The following LUC7L2 variants were observed in gnomAD, a reference collection of about 807,000 sequenced individuals.
The protein encoded by LUC7L2 is LUC7 like 2, pre-mRNA splicing factor, also known as putative RNA-binding protein Luc7-like 2.
Under a neutral mutation model 52.8 loss-of-function variants are expected in LUC7L2, and 25 were observed. The observed-to-expected ratio is 0.47, with a 90% CI of 0.34 to 0.66. The LOEUF is 0.66. Ranked by LOEUF, LUC7L2 falls within the 30% of genes least tolerant of loss-of-function variation. The pLI, the probability that LUC7L2 is intolerant of heterozygous loss-of-function variation, is 0.01. For synonymous variants in LUC7L2, 144 were observed against 160.9 expected, an observed-to-expected ratio of 0.89 and a Z score of 0.80; for missense variants, 328 against 497.8, an observed-to-expected ratio of 0.66 and a Z score of 3.25.
At chr7:139,350,909 C>T (rs987488944) in intron 1 of LUC7L2, among the ~76,000 whole-genome samples, 3 of 152,044 alleles carry the variant, frequency 2.0e-5, no homozygotes, top group Admixed American at 2.0e-4. Context: ...CTACTGACCT[C>T]GTGATTTGCC....
At chr7:139,398,539 T>C (rs1354560576) in intron 2 of LUC7L2, 60 bp from the exon 3 acceptor site, 1 of 1,386,490 alleles carries the variant, frequency 7.2e-7, no homozygotes, top group African/African-American at 1.5e-5. Flanking sequence ...ACTGTGGTTG[T>C]TGAAGCATTT....
At chr7:139,407,971 A>T (rs1168671704) in intron 6 of LUC7L2, among the ~76,000 whole-genome samples, 1 of 152,196 alleles carries the variant, frequency 6.6e-6, no homozygotes, top group Non-Finnish European at 1.5e-5. Flanking sequence ...GTGTTGGTGG[A>T]TATAATCTAT....
chr7:139,381,283 C>T (rs1585095148), intron 2 of LUC7L2, among the ~76,000 whole-genome samples: 1 of 152,138 alleles, frequency 6.6e-6, no homozygotes, highest in African/African-American at 2.4e-5. Context: ...CTGAAACATC[C>T]TTGGAGGCAG....
intron 1 of LUC7L2, among the ~76,000 whole-genome samples, chr7:139,350,744 T>C (rs929298610): frequency 2.0e-5 from 3 of 151,662 alleles, no homozygotes; most frequent in African/African-American, 4.8e-5. Flanking sequence ...GGTGCGATCT[T>C]GGCTCACTGC....
intron 1 of LUC7L2, among the ~76,000 whole-genome samples, chr7:139,372,494 T>A (rs1800503714): frequency 6.6e-6 from 1 of 152,162 alleles, no homozygotes; most frequent in African/African-American, 2.4e-5. Context: ...CTGTCTTTCC[T>A]TCAAATTTTG....
At chr7:139,375,187 T>G (rs748027625) in intron 1 of LUC7L2, 1 of 983,816 alleles carries the variant, frequency 1.0e-6, no homozygotes, top group Non-Finnish European at 1.2e-6. Flanking sequence ...TATTTTGTTA[T>G]TGGAGCTAGT....
chr7:139,397,622 C>G (rs1246621010), intron 2 of LUC7L2, among the ~76,000 whole-genome samples: 1 of 152,204 alleles, frequency 6.6e-6, no homozygotes, highest in Non-Finnish European at 1.5e-5. Context: ...CTCCGCCTTG[C>G]TTTCATCACC....
chr7:139,372,243 A>AT (rs11338568), intron 1 of LUC7L2, among the ~76,000 whole-genome samples: 82 of 149,168 alleles, frequency 5.5e-4, no homozygotes, highest in East Asian at 1.2e-3. Context: ...CATTATTTTA[A>AT]TTTTTTTTTT....
At chr7:139,369,079 T>C (rs1004334582) in intron 1 of LUC7L2, among the ~76,000 whole-genome samples, 1 of 152,160 alleles carries the variant, frequency 6.6e-6, no homozygotes, top group African/African-American at 2.4e-5. Flanking sequence ...GAACTTGTCT[T>C]TTTTAATAGA....
At chr7:139,366,907 G>T (rs916316477) in intron 1 of LUC7L2, among the ~76,000 whole-genome samples, 1 of 152,190 alleles carries the variant, frequency 6.6e-6, no homozygotes, top group Non-Finnish European at 1.5e-5. Flanking sequence ...CACATTAAAA[G>T]TTTGAGAAAC....
intron 2 of LUC7L2, among the ~76,000 whole-genome samples, chr7:139,384,908 A>G (rs1266511896): frequency 6.6e-6 from 1 of 152,174 alleles, no homozygotes; most frequent in East Asian, 1.9e-4. Context: ...GCAGATGCAC[A>G]CCACCATATC....
At chr7:139,374,734 T>A (rs1800620653) in intron 1 of LUC7L2, 2 of 1,283,326 alleles carry the variant, frequency 1.6e-6, no homozygotes. Flanking sequence ...TTAGAATGTT[T>A]TAAAAATATC....
intron 1 of LUC7L2, among the ~76,000 whole-genome samples, chr7:139,370,193 G>A (rs1800372725): frequency 6.6e-6 from 1 of 152,156 alleles, no homozygotes; most frequent in African/African-American, 2.4e-5. Context: ...AATATACAGT[G>A]GGTTAAACTG....
rs549988717 is a variant in LUC7L2 at position 139,344,574 on chromosome 7, G to A, written c.-26+4057G>A. Among the ~76,000 whole-genome samples the A allele has an allele frequency of 8.5e-5, 13 of 152,070 alleles. No individual in the cohort carries two copies. In the South Asian group the frequency reaches 2.7e-3, roughly 32 times the overall value. ...CCAAAGATGCAGAACCCATGGATAT[G>A]GAGGGCCAATTGTAATAAGTAATAT... On this transcript the variant is annotated intron_variant, in intron 1 of 10. Coordinates refer to the LUC7L2 transcript ENST00000541170.
chr7:139,366,723 C>CGAA (rs1800175988), intron 1 of LUC7L2, among the ~76,000 whole-genome samples: 2 of 152,228 alleles, frequency 1.3e-5, no homozygotes, highest in African/African-American at 4.8e-5. Flanking sequence ...GATCACCATT[C>CGAA]TGGTTTAGTT....
In LUC7L2 at chr7:139,407,106, A is replaced by G. The variant is rs566335847; in HGVS notation, c.511-68A>G. ...AAAACACTTTTGGTATAAGCATAGT[A>G]TATTTTATTTAATTGTATGACTTTT... On this transcript the variant is annotated intron_variant, in intron 5 of 9. Coordinates refer to ENST00000354926, the MANE Select transcript of LUC7L2 (RefSeq NM_016019.5). 41 of 1,453,760 alleles carry G rather than the reference A, an allele frequency of 2.8e-5. No homozygotes were observed. The East Asian group carries it at 4.2e-4, about 15-fold the overall frequency. The allele number at this position is 1,453,760 out of a possible 1,614,324, so 90.1% of individuals were successfully genotyped here. A position where few individuals can be genotyped will look rare whatever the true frequency, so the allele number is the denominator to read the frequency against.
At position 139,340,598 on chromosome 7, in the gene LUC7L2, A is replaced by G. The variant is rs1423890718; in HGVS notation, c.-26+81A>G. The G allele has an allele frequency of 1.0e-5, 4 of 397,202 alleles. No individual in the cohort carries two copies. The Admixed American group carries it at 1.3e-4, about 13-fold the overall frequency. The allele number at this position is 397,202 out of a possible 1,614,324, so 24.6% of individuals were successfully genotyped here. On this transcript the variant is annotated intron_variant, in intron 1 of 10. Transcript: ENST00000541170. ...ATACGTCACCCCTCACGTGGGCGCTAGGTGTGGTTTCGTGGGATAGGGTAA... is the reference window on the plus strand; with the variant it reads ...ATACGTCACCCCTCACGTGGGCGCTGGGTGTGGTTTCGTGGGATAGGGTAA...
At chr7:139,370,580 C>T (rs1246060581) in intron 1 of LUC7L2, among the ~76,000 whole-genome samples, 2 of 152,188 alleles carry the variant, frequency 1.3e-5, no homozygotes, top group Non-Finnish European at 2.9e-5. Flanking sequence ...ACCCCAGCCT[C>T]TGTAGCTGAT....
At chr7:139,398,225 A>G (rs913637168) in intron 2 of LUC7L2, among the ~76,000 whole-genome samples, 4 of 152,246 alleles carry the variant, frequency 2.6e-5, no homozygotes, top group East Asian at 1.9e-4. Flanking sequence ...GCACATTGAC[A>G]TCTCAACAAT....
Sources: gnomAD v4.1 joint callset for allele counts (sites outside exome capture counted in the v4.1 genomes callset) on GRCh38, gnomAD v4.1.1 for gene constraint, MANE v1.5 for transcripts, NCBI Gene and HGNC (gene_info 2026-07-23, HGNC 2026-07-21) for gene names.